MYH13: variants seen among roughly 807,000 people sequenced by gnomAD.
The protein encoded by MYH13 is myosin-13.
In MYH13, 177 loss-of-function variants were observed where a neutral mutation model predicts 232.1. That is an observed-to-expected ratio of 0.76 (90% CI 0.67 to 0.86). The LOEUF (loss-of-function observed/expected upper bound fraction) is 0.86. Among genes scored for constraint, MYH13 ranks in the 40% least tolerant of loss-of-function variants. MYH13 has a pLI of 0.00. For synonymous variants in MYH13, 884 were observed against 923.5 expected (o/e 0.96, Z 0.78); for missense variants, 2,246 against 2,405.9 (o/e 0.93, Z 1.39).
At chr17:10,301,506 C>T in intron 40 of MYH13, 63 bp downstream of exon 40, 1 of 1,603,746 alleles carries the variant, frequency 6.2e-7, no homozygotes, top group African/African-American at 1.3e-5. Context: ...TTCGCTCTTA[C>T]CTGGCCCCCA....
At chr17:10,366,381 G>GTTTTTTTTTTTTTTTTTTTTTTTT (rs56798899) in intron 2 of MYH13, among the ~76,000 whole-genome samples, 5 of 112,638 alleles carry the variant, frequency 4.4e-5, no homozygotes, top group Non-Finnish European at 7.5e-5. Flanking sequence ...AAATAAATCT[G>GTTTTTTTTTTTTTTTTTTTTTTTT]TTTTTTTTTT....
chr17:10,363,627 C>G (rs1003912350), intron 3 of MYH13, among the ~76,000 whole-genome samples: 2 of 152,106 alleles, frequency 1.3e-5, no homozygotes, highest in African/African-American at 4.8e-5. Flanking sequence ...GGCTGTGAGT[C>G]CCCCGTGTAG....
At chr17:10,302,944 G>A (rs756029958) in intron 39 of MYH13, among the ~76,000 whole-genome samples, 10 of 152,082 alleles carry the variant, frequency 6.6e-5, no homozygotes, top group East Asian at 3.9e-4. Flanking sequence ...AGTGAGTCAC[G>A]GTGGGCAGGA....
Position 10,312,577 on chromosome 17 carries a change from G to C in MYH13, c.4362C>G (p.Asp1454Glu). The change falls in exon 31 of 41, where the codon GAC becomes GAG. Residue 1454 changes from aspartate (D) to glutamate (E), a missense_variant. Transcript: ENST00000252172. ...ATLDKKQRNFDKVLAEWKQKL... is the reference protein window; with the variant it reads ...ATLDKKQRNFEKVLAEWKQKL... ...AAGAAAGCGGCTGGGGAAGGACCTTGTCGAAGTTCCTCTGCTTCTTGTCCA... is the reference window on the plus strand; with the variant it reads ...AAGAAAGCGGCTGGGGAAGGACCTTCTCGAAGTTCCTCTGCTTCTTGTCCA... 6.2e-7 allele frequency: 1 copy of C among 1,611,704 alleles called. No individual in the cohort carries two copies. Among genetic ancestry groups the C allele is most frequent in the Non-Finnish European group, 8.5e-7 (1 of 1,178,878 alleles).
At position 10,320,444 on chromosome 17, in the gene MYH13, G is replaced by A. The variant is rs371880753; in HGVS notation, c.3164C>T (p.Ala1055Val). 150 of 1,613,246 alleles carry A rather than the reference G, an allele frequency of 9.3e-5. No homozygotes were observed. Among genetic ancestry groups the A allele is most frequent in the Non-Finnish European group, 1.2e-4 (144 of 1,179,712 alleles). ...EKKLRADLER[A>V]KRKLEGDLKM... ...CAGATCTCCTTCCAGCTTCCTCTTCGCCCTTTCCAAGTCCGCCCGCAGTTT... is the reference window on the plus strand; with the variant it reads ...CAGATCTCCTTCCAGCTTCCTCTTCACCCTTTCCAAGTCCGCCCGCAGTTT... The change falls in exon 25 of 41, where the codon GCG becomes GTG. Residue 1055 changes from alanine to valine, a missense_variant. Ala to Val is a moderately conservative substitution (Grantham distance 64, BLOSUM62 0). Coordinates refer to ENST00000252172, the MANE Select transcript of MYH13 (RefSeq NM_003802.3).
Position 10,346,741 on chromosome 17 carries a change from A to G in MYH13, c.1202T>C (p.Leu401Pro). 1.2e-6 allele frequency: 2 copies of G among 1,614,030 alleles called. No homozygotes were observed. The highest frequency in any genetic ancestry group is 1.1e-5 in the South Asian group (1 of 91,078). Residue 401 changes from leucine to proline, a missense_variant, in exon 13 of 41, where the codon CTG (leucine) becomes CCG (proline). Physicochemically the swap from Leu to Pro is moderately conservative, Grantham distance 98. Transcript: ENST00000252172. ...GLNSAEMLKG[L>P]CCPRVKVGNE... ...GCCAACCTTCACCCTTGGACAGCAC[A>G]GGCCCTTCAGCATTTCTGCAGAATT...
chr17:10,319,065 C>G lies in MYH13; in HGVS notation c.3463G>C (p.Glu1155Gln), dbSNP rs778124612. 1 of 1,614,068 alleles carries G rather than the reference C, an allele frequency of 6.2e-7. No homozygotes were observed. Among genetic ancestry groups the G allele is most frequent in the African/African-American group, 1.3e-5 (1 of 74,908 alleles). ...GCTGAAGTGGCCCCACTGGCTTCTT[C>G]CAGCCTCTCGCTGATCTCCTCCAGT... The part of the protein sequence containing the change: ...RELEEISERL[E>Q]EASGATSAQI... The change falls in exon 27 of 41, where the codon GAA becomes CAA. Residue 1155 changes from glutamate to glutamine, a missense_variant. Transcript: ENST00000252172.
chr17:10,353,041 G>A (rs1349692875), intron 11 of MYH13, among the ~76,000 whole-genome samples: 1 of 150,638 alleles, frequency 6.6e-6, no homozygotes, highest in Non-Finnish European at 1.5e-5. Context: ...GCCAATCACA[G>A]GCTGCCAAAC....
At chr17:10,369,358 G>A (rs775053518) in intron 2 of MYH13, among the ~76,000 whole-genome samples, 2 of 152,188 alleles carry the variant, frequency 1.3e-5, no homozygotes, top group African/African-American at 2.4e-5. Flanking sequence ...ACTTAAATGG[G>A]CATATGAATC....
At chr17:10,345,124 T>C in intron 15 of MYH13, 78 bp downstream of exon 15, 1 of 1,610,564 alleles carries the variant, frequency 6.2e-7, no homozygotes, top group South Asian at 1.1e-5. Context: ...CCCCAATCTG[T>C]GAGCAGAAAA....
At position 10,320,343 on chromosome 17, in the gene MYH13, A is replaced by G; in HGVS notation, c.3257+8T>C. ...CTGAGACACAGAGGTGGTAAAAGAA[A>G]TATCTACTTTTTCAATTTCTCTTCT... On this transcript the variant is annotated splice_region_variant and intron_variant, in intron 25 of 40. Transcript: ENST00000252172. The G allele has an allele frequency of 1.2e-6, 2 of 1,611,180 alleles. No homozygotes were observed. The highest frequency in any genetic ancestry group is 1.7e-5 in the Admixed American group (1 of 59,594).
In MYH13 at chr17:10,346,794, A is replaced by G. The variant is rs774852259; in HGVS notation, c.1149T>C (p.Ala383=). ...GTCCCATCAGGTATCCGGCTTTGTCAGCCACTGAAGGAAGAGAAAAAAATG... is the reference window on the plus strand; with the variant it reads ...GTCCCATCAGGTATCCGGCTTTGTCGGCCACTGAAGGAAGAGAAAAAAATG... ...EQAEPDGTEV[A]DKAGYLMGLN... is the part of the protein sequence containing the mutation. The change falls in exon 13 of 41, where the codon GCT becomes GCC. Residue 383 remains alanine, a synonymous_variant. Transcript: ENST00000252172. The G allele has an allele frequency of 1.2e-6, 2 of 1,612,972 alleles. No homozygotes were observed. Among genetic ancestry groups the G allele is most frequent in the Non-Finnish European group, 1.7e-6 (2 of 1,179,278 alleles).
At chr17:10,372,425 T>C (rs1056765587) in intron 1 of MYH13, among the ~76,000 whole-genome samples, 1 of 152,212 alleles carries the variant, frequency 6.6e-6, no homozygotes, top group Non-Finnish European at 1.5e-5. Flanking sequence ...GCTATTGCAC[T>C]GTCAGACACA....
intron 23 of MYH13, among the ~76,000 whole-genome samples, chr17:10,322,243 A>C (rs896145591): frequency 6.6e-6 from 1 of 152,026 alleles, no homozygotes; most frequent in African/African-American, 2.4e-5. Context: ...ATACAAAAAA[A>C]AAAAATTAGC....
At chr17:10,313,650 T>C (rs1472750831) in intron 29 of MYH13, among the ~76,000 whole-genome samples, 1 of 152,224 alleles carries the variant, frequency 6.6e-6, no homozygotes, top group Admixed American at 6.5e-5. Flanking sequence ...AATGTTATCA[T>C]GTCTAGCTAG....
At chr17:10,364,960 G>A (rs891563923) in intron 2 of MYH13, among the ~76,000 whole-genome samples, 1 of 151,790 alleles carries the variant, frequency 6.6e-6, no homozygotes, top group Non-Finnish European at 1.5e-5. Flanking sequence ...TGCAACCTCC[G>A]CCTCCCAGGT....
chr17:10,302,022 A>C (rs1233108068), intron 39 of MYH13, among the ~76,000 whole-genome samples: 1 of 152,150 alleles, frequency 6.6e-6, no homozygotes, highest in Admixed American at 6.5e-5. Flanking sequence ...AAGGCACCTG[A>C]AGGTATAGAG....
intron 2 of MYH13, among the ~76,000 whole-genome samples, chr17:10,370,215 G>A (rs946609666): frequency 5.3e-5 from 8 of 152,230 alleles, no homozygotes; most frequent in Admixed American, 2.6e-4. Flanking sequence ...CACTGCTGAC[G>A]CACCACTCCG....
At chr17:10,337,760 A>G (rs1203151371) in intron 18 of MYH13, among the ~76,000 whole-genome samples, 1 of 152,192 alleles carries the variant, frequency 6.6e-6, no homozygotes, top group Non-Finnish European at 1.5e-5. Flanking sequence ...TTACCTTCCC[A>G]AAGAAAATGT....
Sources: gnomAD v4.1 joint callset for allele counts (sites outside exome capture counted in the v4.1 genomes callset) on GRCh38, gnomAD v4.1.1 for gene constraint, MANE v1.5 for transcripts, NCBI Gene and HGNC (gene_info 2026-07-23, HGNC 2026-07-21) for gene names.